CDHR4: variants seen among roughly 807,000 people sequenced by gnomAD.
CDHR4 encodes the protein cadherin related family member 4.
CDHR4 carries 89 observed loss-of-function variants against 88.4 expected under a neutral mutation model. The observed-to-expected ratio is 1.01, with a 90% CI of 0.85 to 1.20. The LOEUF is 1.20. Among genes scored for constraint, CDHR4 ranks in the 50% most tolerant of loss-of-function variants. The pLI, the probability that CDHR4 is intolerant of heterozygous loss-of-function variation, is 0.00. For missense variants in CDHR4, 914 were observed against 1,007.2 expected, an observed-to-expected ratio of 0.91 and a Z score of 1.25; for synonymous variants, 368 against 399.2, an observed-to-expected ratio of 0.92 and a Z score of 0.93.
intron 10 of CDHR4, among the ~76,000 whole-genome samples, 188 bp downstream of exon 10, chr3:49,794,420 A>G (rs1012355196): frequency 2.0e-5 from 3 of 150,076 alleles, no homozygotes; most frequent in Non-Finnish European, 4.4e-5. Flanking sequence ...AGAGAGTGAG[A>G]GGGTCTAAAG....
chr3:49,796,143 A>G, intron 5 of CDHR4, 97 bp from the exon 6 acceptor site: 1 of 778,688 alleles, frequency 1.3e-6, no homozygotes, highest in Non-Finnish European at 2.0e-6. Flanking sequence ...CTCACTTAGG[A>G]TCTCCAAAAG....
In CDHR4 at chr3:49,795,052, G is replaced by T. The variant is rs930292773; in HGVS notation, c.1080C>A (p.Leu360=). The part of the protein sequence containing the change: ...TAPVGTVLNT[L]TCEDPDSVGA... ...CAACAGAGTCCGGATCTTCGCAAGT[G>T]AGAGTATTCAGCACGGTGCCCACGG... The change falls in exon 9 of 19, where the codon CTC becomes CTA. Residue 360 remains leucine, a synonymous_variant. Transcript: ENST00000412678. This position sits in a 1 kb window ranked among gnomAD's most constrained non-coding sequence, Gnocchi z 5.4. 1.3e-6 allele frequency: 2 copies of T among 1,551,722 alleles called. No homozygotes were observed. Among genetic ancestry groups the T allele is most frequent in the Non-Finnish European group, 1.7e-6 (2 of 1,146,990 alleles).
At position 49,795,745 on chromosome 3, in the gene CDHR4, T is replaced by C; in HGVS notation, c.730A>G (p.Thr244Ala). The C allele has an allele frequency of 1.9e-6, 3 of 1,551,540 alleles. No individual in the cohort carries two copies. The highest frequency in any genetic ancestry group is 2.6e-6 in the Non-Finnish European group (3 of 1,146,934). ...CCGGGGGCCAGATTCTCAGGGATGG[T>C]GATATTCTGAGCCTGCTCGCTGGAC... is the stretch of plus-strand genomic sequence containing the variant. ...VSFLEQAQNI[T>A]IPENLAPGSE... Residue 244 changes from threonine to alanine, a missense_variant, in exon 7 of 19, where the codon ACC (threonine) becomes GCC (alanine). Physicochemically the swap from Thr to Ala is moderately conservative, Grantham distance 58. Transcript: ENST00000412678. This position sits in a 1 kb window ranked among gnomAD's most constrained non-coding sequence, Gnocchi z 5.4.
In CDHR4 at chr3:49,792,492, C is replaced by T; in HGVS notation, c.2114G>A (p.Trp705Ter). 6.4e-7 allele frequency: 1 copy of T among 1,551,702 alleles called. No individual in the cohort carries two copies. Among genetic ancestry groups the T allele is most frequent in the Non-Finnish European group, 8.7e-7 (1 of 1,146,986 alleles). The stretch of plus-strand genomic sequence containing the variant: ...CCCCTGGAGGAGCCTGCCAAGAAGC[C>T]AGCCTAGGGCCAAGAGGAGAAGAGC... Reference protein sequence around the residue: ...TGALLLLALGWLLGRLLQGLA... With the variant: ...TGALLLLALG The change falls in exon 15 of 19, where the codon TGG becomes TAG. Residue 705 changes from tryptophan (W) to a stop codon, truncating the protein, a stop_gained. Coordinates refer to ENST00000412678, the MANE Select transcript of CDHR4 (RefSeq NM_001007540.4). LOFTEE classifies it high-confidence loss of function.
upstream of CDHR4, among the ~76,000 whole-genome samples, chr3:49,802,421 C>G (rs1284655953): frequency 6.6e-6 from 1 of 152,092 alleles, no homozygotes; most frequent in East Asian, 1.9e-4. Context: ...GTGATCCGCC[C>G]GCCTCGGCCT....
intron 15 of CDHR4, 25 bp downstream of exon 15, chr3:49,792,443 G>A (rs1278349334): frequency 3.2e-6 from 5 of 1,550,774 alleles, no homozygotes; most frequent in Non-Finnish European, 4.4e-6. Flanking sequence ...GGGGCAAGTA[G>A]GGAGCACAAG....
rs1181818663 is a variant in CDHR4, at chr3:49,795,290, G to A, written c.937C>T (p.Gln313Ter). The change falls in exon 8 of 19, where the codon CAG becomes TAG. Residue 313 changes from glutamine to a stop codon, truncating the protein, a stop_gained. Coordinates refer to ENST00000412678, the MANE Select transcript of CDHR4 (RefSeq NM_001007540.4). LOFTEE classifies it high-confidence loss of function. The surrounding 1 kb of genome is among the most constrained non-coding windows in gnomAD (Gnocchi z 5.4). Reference sequence around the variant, plus strand: ...TTGGCACTGGCCCACAGCTGGCCCTGCTCAAAGGCCTTCACCTGCAGCCTG... The same window carrying A: ...TTGGCACTGGCCCACAGCTGGCCCTACTCAAAGGCCTTCACCTGCAGCCTG... Reference protein sequence around the residue: ...VSRLQVKAFEQGQLWASAKLN... With the variant: ...VSRLQVKAFE 1 of 1,551,672 alleles carries A rather than the reference G, an allele frequency of 6.4e-7. No homozygotes were observed.
chr3:49,795,608 C>CA lies in CDHR4; in HGVS notation c.847+19dup. 6.4e-7 allele frequency: 1 copy of CA among 1,551,438 alleles called. No homozygotes were observed. The highest frequency in any genetic ancestry group is 8.7e-7 in the Non-Finnish European group (1 of 1,146,884). ...ACAGAGGCATCCCAGTACCTGCCCC[C>CA]ACCCCCCAACACCTCTCACCACGAC... On this transcript the variant is annotated intron_variant, in intron 7 of 18. Coordinates refer to ENST00000412678, the MANE Select transcript of CDHR4 (RefSeq NM_001007540.4). This position sits in a 1 kb window ranked among gnomAD's most constrained non-coding sequence, Gnocchi z 5.4.
chr3:49,799,024 T>A lies in CDHR4; in HGVS notation c.373A>T (p.Ile125Phe). 1.2e-6 allele frequency: 2 copies of A among 1,607,078 alleles called. No homozygotes were observed. The highest frequency in any genetic ancestry group is 1.7e-6 in the Non-Finnish European group (2 of 1,176,986). The change falls in exon 3 of 19, where the codon ATC (isoleucine) becomes TTC (phenylalanine). Residue 125 changes from isoleucine (I) to phenylalanine (F), a missense_variant. By Grantham distance (21) the Ile-to-Phe change is conservative. Transcript: ENST00000412678. Reference sequence around the variant, plus strand: ...CTGGCAAATTGACCAGCACACTGGATATGGCTAAGGTCCCGCTGCACATCC... The same window carrying A: ...CTGGCAAATTGACCAGCACACTGGAAATGGCTAAGGTCCCGCTGCACATCC... ...SVDVQRDLSH[I>F]QCAGQFASPA...
intron 2 of CDHR4, 42 bp downstream of exon 2, chr3:49,799,205 C>A: frequency 6.2e-7 from 1 of 1,606,800 alleles, no homozygotes; most frequent in Non-Finnish European, 8.5e-7. Flanking sequence ...TTTAGGTCTG[C>A]CCTTGTGCCC....
In CDHR4 at chr3:49,799,058, T is replaced by A. The variant is rs768861614; in HGVS notation, c.339A>T (p.Ser113=). The part of the protein sequence containing the change: ...FTCGNHVMEG[S]LSVDVQRDLS... ...GGTCCCGCTGCACATCCACAGAGAG[T>A]GAGCCCTCCATCACATGGTTGCCAC... Residue 113 remains serine (S), a synonymous_variant, in exon 3 of 19, where the codon TCA becomes TCT. Transcript: ENST00000412678. The A allele has an allele frequency of 6.3e-7, 1 of 1,592,066 alleles. No individual in the cohort carries two copies. Among genetic ancestry groups the A allele is most frequent in the Non-Finnish European group, 8.6e-7 (1 of 1,169,426 alleles).
intron 1 of CDHR4, 148 bp from the exon 2 acceptor site, chr3:49,799,585 C>T (rs2081332523): frequency 2.7e-6 from 3 of 1,125,624 alleles, no homozygotes; most frequent in Non-Finnish European, 2.5e-6. Flanking sequence ...TCCAGCATTT[C>T]ACAGATGGGG....
chr3:49,792,807 A>G (rs2081200902), intron 14 of CDHR4, 47 bp downstream of exon 14: 1 of 1,493,778 alleles, frequency 6.7e-7, no homozygotes, highest in Non-Finnish European at 9.0e-7. Context: ...CTCACTCTCC[A>G]AGGTCCACCC....
intron 4 of CDHR4, 77 bp from the exon 5 acceptor site, chr3:49,797,109 C>A: frequency 2.5e-6 from 3 of 1,197,738 alleles, no homozygotes; most frequent in Non-Finnish European, 2.4e-6. Flanking sequence ...CCAGCAGCAA[C>A]CCTCCAGCAA....
At chr3:49,791,584 C>T (rs1257596777) in intron 17 of CDHR4, 116 bp from the exon 18 acceptor site, 3 of 1,469,872 alleles carry the variant, frequency 2.0e-6, no homozygotes, top group Non-Finnish European at 2.8e-6. Context: ...TCTGATGGTG[C>T]TAGTGTGGGC....
intron 5 of CDHR4, 145 bp from the exon 6 acceptor site, chr3:49,796,191 CCTGTCACT>C: frequency 1.7e-6 from 1 of 586,720 alleles, no homozygotes; most frequent in Non-Finnish European, 3.0e-6. Flanking sequence ...ATCCCCATGA[CCTGTCACT>C]CTGCTGACAA....
rs769326669 is a variant in CDHR4, at chr3:49,799,034, G to A, written c.363C>T (p.Asp121=). ...EGSLSVDVQR[D]LSHIQCAGQF... ...GACCAGCACACTGGATATGGCTAAG[G>A]TCCCGCTGCACATCCACAGAGAGTG... Residue 121 remains aspartate (D), a synonymous_variant, in exon 3 of 19, where the codon GAC becomes GAT. Transcript: ENST00000412678. The A allele has an allele frequency of 1.9e-6, 3 of 1,603,296 alleles. No homozygotes were observed. Among genetic ancestry groups the A allele is most frequent in the Non-Finnish European group, 2.6e-6 (3 of 1,175,202 alleles).
In CDHR4 at chr3:49,795,380, C is replaced by T; in HGVS notation, c.848-1G>A. ...GTGGTGGTCCGGACCACACCGTCTG[C>T]TGCATGGGGTGAGAGAACACAGAGG... On this transcript the variant is annotated splice_acceptor_variant, in intron 7 of 18. Coordinates refer to ENST00000412678, the MANE Select transcript of CDHR4 (RefSeq NM_001007540.4). LOFTEE classifies it high-confidence loss of function. The surrounding 1 kb of genome is among the most constrained non-coding windows in gnomAD (Gnocchi z 5.4). 6.5e-7 allele frequency: 1 copy of T among 1,549,880 alleles called. No individual in the cohort carries two copies. The highest frequency in any genetic ancestry group is 8.7e-7 in the Non-Finnish European group (1 of 1,146,878).
At chr3:49,791,501 A>C in intron 17 of CDHR4, 33 bp from the exon 18 acceptor site, 1 of 1,543,172 alleles carries the variant, frequency 6.5e-7, no homozygotes, top group Non-Finnish European at 8.7e-7. Context: ...GATGCAATGA[A>C]TTGAACCCTG....
Sources: allele counts gnomAD v4.1 joint callset (sites outside exome capture counted in the v4.1 genomes callset), GRCh38; gene constraint gnomAD v4.1.1; non-coding constraint Gnocchi (gnomAD v3.1); transcripts MANE v1.5; gene names NCBI Gene and HGNC (gene_info 2026-07-23, HGNC 2026-07-21).